Variants in ATP6V1B1 observed in about 807,000 individuals in gnomAD.
ATP6V1B1 encodes the protein V-type proton ATPase subunit B, kidney isoform.
In ATP6V1B1, 41 loss-of-function variants were observed where a neutral mutation model predicts 62.1. The ratio of observed to expected loss-of-function variants is 0.66; its 90% CI spans 0.51 to 0.86. ATP6V1B1 has a LOEUF of 0.86. Ranked by LOEUF, ATP6V1B1 falls within the 40% of genes least tolerant of loss-of-function variation. The pLI is 0.00. For synonymous variants in ATP6V1B1, 253 were observed against 273.4 expected (o/e 0.93, Z 0.74); for missense variants, 651 against 697.5 (o/e 0.93, Z 0.75).
chr2:70,963,678 T>C lies in ATP6V1B1; in HGVS notation c.1143+24T>C. The C allele has an allele frequency of 6.2e-7, 1 of 1,605,092 alleles. No individual in the cohort carries two copies. The highest frequency in any genetic ancestry group is 8.5e-7 in the Non-Finnish European group (1 of 1,171,776). On this transcript the variant is annotated intron_variant, in intron 11 of 13. Coordinates refer to ENST00000234396, the MANE Select transcript of ATP6V1B1 (RefSeq NM_001692.4). This position sits in a 1 kb window ranked among gnomAD's most constrained non-coding sequence, Gnocchi z 4.3. ...AGGTACTGCCCTGTCCCTACCCACT[T>C]CCTGCTCTCAGCCCAGAGAAACACT... is the stretch of plus-strand genomic sequence containing the variant.
At chr2:70,958,259 A>C in intron 3 of ATP6V1B1, 74 bp from the exon 4 acceptor site, 1 of 1,596,002 alleles carries the variant, frequency 6.3e-7, no homozygotes, top group Non-Finnish European at 8.6e-7. Flanking sequence ...GAGAGCACAG[A>C]AAGTGCCCAG....
intron 1 of ATP6V1B1, 132 bp downstream of exon 1, chr2:70,936,204 C>T (rs1469144328): frequency 1.0e-6 from 1 of 968,180 alleles, no homozygotes; most frequent in Non-Finnish European, 1.6e-6. Context: ...GGAGGGCTCT[C>T]TGTCCAGCAG....
Position 70,963,569 on chromosome 2 carries a change from TA to T in ATP6V1B1, c.1061-2del. 6.2e-7 allele frequency: 1 copy of T among 1,614,034 alleles called. No individual in the cohort carries two copies. ...ACACTGAGGCCAGTGAGTTTTCTTGTAGATATCACCCACCCTATCCCAGACT... is the reference window on the plus strand; with the variant it reads ...ACACTGAGGCCAGTGAGTTTTCTTGTGATATCACCCACCCTATCCCAGACT... On this transcript the variant is annotated splice_acceptor_variant, in intron 10 of 13. Transcript: ENST00000234396. LOFTEE classifies it high-confidence loss of function. This position sits in a 1 kb window ranked among gnomAD's most constrained non-coding sequence, Gnocchi z 4.3.
chr2:70,958,394 T>A lies in ATP6V1B1; in HGVS notation c.335T>A (p.Ile112Asn), dbSNP rs782495957. ...RKTTCEFTGD[I>N]LRTPVSEDML... ...ACCACTTGCGAATTTACAGGGGACATCCTACGAACTCCGGTGTCAGAGGAC... is the reference window on the plus strand; with the variant it reads ...ACCACTTGCGAATTTACAGGGGACAACCTACGAACTCCGGTGTCAGAGGAC... The change falls in exon 4 of 14, where the codon ATC (isoleucine) becomes AAC (asparagine). Residue 112 changes from isoleucine to asparagine, a missense_variant. By Grantham distance (149) the Ile-to-Asn change is moderately radical. Coordinates refer to ENST00000234396, the MANE Select transcript of ATP6V1B1 (RefSeq NM_001692.4). 5.0e-5 allele frequency: 80 copies of A among 1,609,730 alleles called. No homozygotes were observed. The highest frequency in any genetic ancestry group is 6.5e-5 in the Non-Finnish European group (77 of 1,177,966).
intron 2 of ATP6V1B1, among the ~76,000 whole-genome samples, chr2:70,954,680 G>A (rs535321340): frequency 6.6e-6 from 1 of 152,096 alleles, no homozygotes; most frequent in South Asian, 2.1e-4. Context: ...GATGGGTCTC[G>A]CTGTGTTGCC....
intron 2 of ATP6V1B1, among the ~76,000 whole-genome samples, chr2:70,947,237 T>A (rs996095940): frequency 3.3e-5 from 5 of 152,190 alleles, no homozygotes; most frequent in Non-Finnish European, 7.3e-5. Context: ...TTTCGTCTGA[T>A]TTTTCAGGGT....
At chr2:70,950,183 T>C (rs1680286527) in intron 2 of ATP6V1B1, among the ~76,000 whole-genome samples, 1 of 152,178 alleles carries the variant, frequency 6.6e-6, no homozygotes, top group Non-Finnish European at 1.5e-5. Context: ...TTTTCTTTCC[T>C]ACTGATCCAT....
intron 2 of ATP6V1B1, chr2:70,957,762 T>C: frequency 2.2e-6 from 1 of 450,842 alleles, no homozygotes; most frequent in Non-Finnish European, 4.1e-6. Flanking sequence ...ATGACTTACG[T>C]ATTTAATGAG....
intron 1 of ATP6V1B1, chr2:70,942,008 AG>A (rs1238835723): frequency 1.9e-6 from 2 of 1,055,540 alleles, no homozygotes; most frequent in Non-Finnish European, 1.1e-6. Context: ...GAACTGGAGA[AG>A]GACTGGGACT....
intron 1 of ATP6V1B1, among the ~76,000 whole-genome samples, chr2:70,936,947 C>T (rs1187444353): frequency 6.6e-6 from 1 of 152,156 alleles, no homozygotes; most frequent in Admixed American, 6.5e-5. Context: ...ATGTCTGGGG[C>T]AAGGTCCAGA....
At position 70,962,800 on chromosome 2, in the gene ATP6V1B1, G is replaced by A. The variant is rs782358734; in HGVS notation, c.809G>A (p.Arg270His). ...AGGATCGAGCGGATCATCACCCCGC[G>A]CCTGGCGCTGACCACTGCTGAATTC... The part of the protein sequence containing the change: ...DPTIERIITP[R>H]LALTTAEFLA... The change falls in exon 9 of 14, where the codon CGC (arginine) becomes CAC (histidine). Residue 270 changes from arginine to histidine, a missense_variant. Physicochemically the swap from Arg to His is conservative, Grantham distance 29 (BLOSUM62 0). Transcript: ENST00000234396. 4.3e-6 allele frequency: 7 copies of A among 1,613,948 alleles called. No homozygotes were observed. Among genetic ancestry groups the A allele is most frequent in the African/African-American group, 1.3e-5 (1 of 74,922 alleles).
chr2:70,943,197 C>G (rs1680048786), intron 1 of ATP6V1B1, among the ~76,000 whole-genome samples: 1 of 152,196 alleles, frequency 6.6e-6, no homozygotes, highest in African/African-American at 2.4e-5. Flanking sequence ...TACACACACA[C>G]ACACACACAC....
In ATP6V1B1 at chr2:70,963,289, C is replaced by T. The variant is rs781838938; in HGVS notation, c.1037C>T (p.Pro346Leu). The change falls in exon 10 of 14, where the codon CCC becomes CTC. Residue 346 changes from proline (P) to leucine (L), a missense_variant. Transcript: ENST00000234396. This position sits in a 1 kb window ranked among gnomAD's most constrained non-coding sequence, Gnocchi z 4.3. ...EGRGGSITQI[P>L]ILTMPNDDIT... ...CGGGGAGGATCCATCACACAGATCCCCATCCTCACCATGCCCAACGACGGT... is the reference window on the plus strand; with the variant it reads ...CGGGGAGGATCCATCACACAGATCCTCATCCTCACCATGCCCAACGACGGT... 3 of 1,613,306 alleles carry T rather than the reference C, an allele frequency of 1.9e-6. No homozygotes were observed. The highest frequency in any genetic ancestry group is 4.5e-5 in the East Asian group (2 of 44,896).
At position 70,946,967 on chromosome 2, in the gene ATP6V1B1, G is replaced by C. The variant is rs73937082; in HGVS notation, c.174+3254G>C. Among the ~76,000 whole-genome samples, 940 of 152,246 alleles carry C rather than the reference G, an allele frequency of 6.2e-3. 14 individuals are homozygous for C. Among genetic ancestry groups the C allele is most frequent in the African/African-American group, 0.022 (903 of 41,536 alleles). On this transcript the variant is annotated intron_variant, in intron 2 of 13. Transcript: ENST00000234396. ...GAGGCACCTCTCCCCATCCCTCTCC[G>C]TTGCCCCTACCCCTTTCCCTCTACC...
intron 2 of ATP6V1B1, among the ~76,000 whole-genome samples, chr2:70,945,144 CAAATT>C (rs1387702265): frequency 2.6e-5 from 4 of 152,120 alleles, no homozygotes; most frequent in African/African-American, 4.8e-5. Flanking sequence ...TGTTTATTAA[CAAATT>C]AAATTACGAG....
chr2:70,961,444 A>C lies in ATP6V1B1; in HGVS notation c.688-152A>C, dbSNP rs547290066. 22 of 782,260 alleles carry C rather than the reference A, an allele frequency of 2.8e-5. No homozygotes were observed. The African/African-American group carries it at 3.1e-4, about 11-fold the overall frequency. The allele number at this position is 782,260 out of a possible 1,614,324, so 48.5% of individuals were successfully genotyped here. On this transcript the variant is annotated intron_variant, in intron 7 of 13. Coordinates refer to ENST00000234396, the MANE Select transcript of ATP6V1B1 (RefSeq NM_001692.4). ...AGCAAACCCAGTGCCTGCCCTTTCC[A>C]GCCCCGGGGTCACCCCATGGCCTTG...
At chr2:70,943,936 A>T (rs1680079988) in intron 2 of ATP6V1B1, 2 of 907,226 alleles carry the variant, frequency 2.2e-6, no homozygotes, top group Non-Finnish European at 2.6e-6. Context: ...TAAAAACCCC[A>T]TGGAGGCCCA....
intron 2 of ATP6V1B1, chr2:70,947,631 C>A (rs1553417606): frequency 6.6e-6 from 1 of 152,262 alleles, no homozygotes; most frequent in Non-Finnish European, 1.5e-5. Flanking sequence ...TCCGCACTGC[C>A]CTGGCCATTG....
At chr2:70,954,691 C>T (rs1193564190) in intron 2 of ATP6V1B1, among the ~76,000 whole-genome samples, 1 of 152,082 alleles carries the variant, frequency 6.6e-6, no homozygotes, top group Admixed American at 6.6e-5. Flanking sequence ...CTGTGTTGCC[C>T]AGGCTGATCT....
Sources: allele counts gnomAD v4.1 joint callset (sites outside exome capture counted in the v4.1 genomes callset), GRCh38; gene constraint gnomAD v4.1.1; non-coding constraint Gnocchi (gnomAD v3.1); transcripts MANE v1.5; gene names NCBI Gene and HGNC (gene_info 2026-07-23, HGNC 2026-07-21).